The following ATP2B1 variants were observed in gnomAD, a reference collection of about 807,000 sequenced individuals.
The protein encoded by ATP2B1 is plasma membrane calcium-transporting ATPase 1.
In ATP2B1, 14 loss-of-function variants were observed where a neutral mutation model predicts 124.2. That is an observed-to-expected ratio of 0.11 (90% CI 0.07 to 0.18). The LOEUF (loss-of-function observed/expected upper bound fraction) is 0.18, where lower values mean the gene tolerates loss of function less well. ATP2B1 is among the 10% of genes least tolerant of loss of function. The pLI, the probability that ATP2B1 is intolerant of heterozygous loss-of-function variation, is 1.00. For missense variants in ATP2B1, 763 were observed against 1,466.1 expected, an observed-to-expected ratio of 0.52 and a Z score of 7.83; for synonymous variants, 449 against 492.4, an observed-to-expected ratio of 0.91 and a Z score of 1.17.
At chr12:89,700,755 G>A (rs147355808) in intron 1 of ATP2B1, among the ~76,000 whole-genome samples, 65 of 152,078 alleles carry the variant, frequency 4.3e-4, no homozygotes, top group African/African-American at 1.5e-3. Flanking sequence ...GATTATTATT[G>A]CAACGTCAAT....
intron 11 of ATP2B1, among the ~76,000 whole-genome samples, chr12:89,619,350 G>A (rs1381511217): frequency 1.3e-5 from 2 of 152,124 alleles, no homozygotes; most frequent in Admixed American, 6.5e-5. Context: ...AGTGACTCAC[G>A]TCTGTAATCC....
intron 1 of ATP2B1, among the ~76,000 whole-genome samples, chr12:89,671,710 T>C (rs1888006046): frequency 1.3e-5 from 2 of 151,622 alleles, no homozygotes; most frequent in African/African-American, 4.8e-5. Flanking sequence ...GTTTCCCATG[T>C]GGTAAATCTA....
intron 20 of ATP2B1, 58 bp from the exon 21 acceptor site, chr12:89,591,353 G>A: frequency 6.9e-7 from 1 of 1,444,080 alleles, no homozygotes; most frequent in Non-Finnish European, 9.3e-7. Flanking sequence ...CTTAAAAATG[G>A]TTCATTTATG....
chr12:89,595,896 T>C (rs1048339051), intron 20 of ATP2B1, among the ~76,000 whole-genome samples: 3 of 152,100 alleles, frequency 2.0e-5, no homozygotes, highest in African/African-American at 2.4e-5. Context: ...AACTACAAAC[T>C]TTCCTTTGCC....
At chr12:89,624,855 T>A in intron 8 of ATP2B1, among the ~76,000 whole-genome samples, 1 of 152,360 alleles carries the variant, frequency 6.6e-6, no homozygotes, top group Non-Finnish European at 1.5e-5. Flanking sequence ...AATAAAATTA[T>A]ATAACACAAA....
chr12:89,609,871 C>T (rs945707196), intron 15 of ATP2B1, 66 bp downstream of exon 15: 3 of 1,434,506 alleles, frequency 2.1e-6, no homozygotes, highest in Non-Finnish European at 2.9e-6. Context: ...AGTCAACAAA[C>T]AAACAAACAA....
rs1351082477 is a variant in ATP2B1, at chr12:89,642,274, G to A, written c.290C>T (p.Thr97Ile). The A allele has an allele frequency of 6.2e-7, 1 of 1,613,690 alleles. No individual in the cohort carries two copies. The highest frequency in any genetic ancestry group is 8.5e-7 in the Non-Finnish European group (1 of 1,179,766). Residue 97 changes from threonine to isoleucine, a missense_variant, in exon 3 of 21, where the codon ACC (threonine) becomes ATC (isoleucine). Transcript: ENST00000428670. ...KNFIPPKKPK[T>I]FLQLVWEALQ... is the part of the protein sequence containing the mutation. ...TGCTTCCCATACTAATTGAAGAAAGGTTTTTGGCTTTTTAGGAGGTATAAA... is the reference window on the plus strand; with the variant it reads ...TGCTTCCCATACTAATTGAAGAAAGATTTTTGGCTTTTTAGGAGGTATAAA...
chr12:89,619,094 C>T (rs1879501212), intron 11 of ATP2B1, among the ~76,000 whole-genome samples: 2 of 151,516 alleles, frequency 1.3e-5, no homozygotes, highest in African/African-American at 4.9e-5. Context: ...CATGTAATAA[C>T]AAAATTAAAG....
At chr12:89,611,561 A>G in intron 12 of ATP2B1, 189 bp from the exon 13 acceptor site, 2 of 468,254 alleles carry the variant, frequency 4.3e-6, no homozygotes, top group Non-Finnish European at 6.9e-6. Context: ...TCTCTTTCCA[A>G]TTCCACTGCC....
chr12:89,601,560 A>G (rs1875849018), intron 18 of ATP2B1, 127 bp from the exon 19 acceptor site: 1 of 510,734 alleles, frequency 2.0e-6, no homozygotes, highest in Admixed American at 4.1e-5. Flanking sequence ...ATTGTATTAT[A>G]TTAGTCACAA....
At chr12:89,647,156 G>A (rs1884571118) in intron 2 of ATP2B1, among the ~76,000 whole-genome samples, 1 of 152,188 alleles carries the variant, frequency 6.6e-6, no homozygotes, top group Non-Finnish European at 1.5e-5. Context: ...AATATAATGA[G>A]AACTCTTCTG....
At chr12:89,609,809 A>T in intron 15 of ATP2B1, 128 bp downstream of exon 15, 1 of 749,328 alleles carries the variant, frequency 1.3e-6, no homozygotes, top group Non-Finnish European at 2.1e-6. Flanking sequence ...AAGCTTATTA[A>T]TTATCCCTCG....
intron 8 of ATP2B1, among the ~76,000 whole-genome samples, chr12:89,624,858 A>C (rs1880576172): frequency 6.6e-6 from 1 of 152,248 alleles, no homozygotes; most frequent in East Asian, 1.9e-4. Flanking sequence ...AAAATTATAT[A>C]ACACAAAGTA....
intron 1 of ATP2B1, among the ~76,000 whole-genome samples, chr12:89,663,719 C>A (rs1051739693): frequency 1.6e-4 from 24 of 152,152 alleles, no homozygotes; most frequent in African/African-American, 5.6e-4. Context: ...ACCATTGATC[C>A]TGTTCTTAAA....
intron 9 of ATP2B1, among the ~76,000 whole-genome samples, 179 bp downstream of exon 9, chr12:89,624,004 A>G (rs1250972084): frequency 1.3e-5 from 2 of 152,130 alleles, no homozygotes; most frequent in Non-Finnish European, 2.9e-5. Context: ...GGTCTCCTTC[A>G]GAGATATTCA....
rs1414899662 is a variant in ATP2B1, at chr12:89,655,775, T to C, written c.112A>G (p.Met38Val). The C allele has an allele frequency of 5.0e-6, 8 of 1,614,202 alleles. No homozygotes were observed. Among genetic ancestry groups the C allele is most frequent in the Non-Finnish European group, 5.1e-6 (6 of 1,180,016 alleles). ...AATGCATCTGTGGACCTGAGCTCCA[T>C]GAGAGCCCGCAGCTCTGCGAGCGTA... ...GITLAELRAL[M>V]ELRSTDALRK... is the part of the protein sequence containing the mutation. The change falls in exon 2 of 21, where the codon ATG becomes GTG. Residue 38 changes from methionine (M) to valine (V), a missense_variant. Met to Val is a conservative substitution (Grantham distance 21). This residue lies in a region of ATP2B1 where 93 missense variants were observed against 112.7 expected (regional missense o/e 0.83). Transcript: ENST00000428670.
intron 6 of ATP2B1, among the ~76,000 whole-genome samples, chr12:89,630,205 G>GA (rs1000498430): frequency 1.3e-5 from 2 of 152,268 alleles, no homozygotes; most frequent in African/African-American, 4.8e-5. Flanking sequence ...TAAAGTAGCA[G>GA]AAAAAATCCG....
intron 6 of ATP2B1, among the ~76,000 whole-genome samples, chr12:89,630,206 A>G (rs1881621120): frequency 6.6e-6 from 1 of 152,214 alleles, no homozygotes; most frequent in African/African-American, 2.4e-5. Flanking sequence ...AAAGTAGCAG[A>G]AAAAATCCGC....
chr12:89,603,808 C>T lies in ATP2B1; in HGVS notation c.2752G>A (p.Gly918Ser). 1 of 1,614,030 alleles carries T rather than the reference C, an allele frequency of 6.2e-7. No individual in the cohort carries two copies. Among genetic ancestry groups the T allele is most frequent in the Non-Finnish European group, 8.5e-7 (1 of 1,179,978 alleles). ...TESLLLRKPY[G>S]RNKPLISRTM... ...CGTGAGATGAGAGGCTTATTTCTAC[C>T]ATAAGGTTTCCGAAGCAAGAGAGAC... The change falls in exon 17 of 21, where the codon GGT (glycine) becomes AGT (serine). Residue 918 changes from glycine (G) to serine (S), a missense_variant. Around this residue, in one of 7 missense-constraint regions of ATP2B1, gnomAD observed 118 missense variants for 240.3 expected, o/e 0.49. Transcript: ENST00000428670. The surrounding 1 kb of genome is among the most constrained non-coding windows in gnomAD (Gnocchi z 4.3).
Sources: allele counts gnomAD v4.1 joint callset (sites outside exome capture counted in the v4.1 genomes callset), GRCh38; gene constraint gnomAD v4.1.1; regional missense constraint gnomAD v4.1.1; non-coding constraint Gnocchi (gnomAD v3.1); transcripts MANE v1.5; gene names NCBI Gene and HGNC (gene_info 2026-07-23, HGNC 2026-07-21).